Variants in CADM2 observed in about 807,000 individuals in gnomAD.
The protein encoded by CADM2 is cell adhesion molecule 2.
CADM2 carries 12 observed loss-of-function variants against 49.8 expected under a neutral mutation model. The observed-to-expected ratio is 0.24, with a 90% confidence interval of 0.15 to 0.39. CADM2 has a LOEUF of 0.39. Ranked by LOEUF, CADM2 falls within the 10% of genes least tolerant of loss-of-function variation. The probability of loss-of-function intolerance (pLI) is 1.00; values close to 1 mark genes in which losing one functional copy is unlikely to be tolerated. For missense variants in CADM2, 378 were observed against 492.3 expected (o/e 0.77, Z 2.20); for synonymous variants, 214 against 175.4 (o/e 1.22, Z -1.74).
intron 1 of CADM2, among the ~76,000 whole-genome samples, chr3:85,693,715 G>T (rs1220788628): frequency 3.3e-5 from 4 of 121,334 alleles, no homozygotes; most frequent in Non-Finnish European, 6.5e-5. Flanking sequence ...GTAAAACCAC[G>T]TATCTACCAA....
At chr3:85,195,609 C>A (rs2041325805) in intron 1 of CADM2, among the ~76,000 whole-genome samples, 1 of 151,622 alleles carries the variant, frequency 6.6e-6, no homozygotes, top group African/African-American at 2.4e-5. Flanking sequence ...TCAGTAGAGC[C>A]ACAATATCTA....
chr3:85,584,155 T>C (rs1035401676), intron 1 of CADM2, among the ~76,000 whole-genome samples: 11 of 152,072 alleles, frequency 7.2e-5, no homozygotes, highest in African/African-American at 2.7e-4. Flanking sequence ...TACATATACA[T>C]ATAAACATAT....
chr3:85,317,249 A>C (rs1489952111), intron 1 of CADM2, among the ~76,000 whole-genome samples: 2 of 152,202 alleles, frequency 1.3e-5, no homozygotes, highest in Non-Finnish European at 2.9e-5. Flanking sequence ...TGCACTAGGC[A>C]CAAGAAGCAC....
intron 1 of CADM2, among the ~76,000 whole-genome samples, chr3:85,132,492 G>A (rs1320909973): frequency 6.6e-6 from 1 of 152,136 alleles, no homozygotes; most frequent in African/African-American, 2.4e-5. Flanking sequence ...TCACCTTCCA[G>A]AGGGTGCTTC....
intron 8 of CADM2, among the ~76,000 whole-genome samples, chr3:86,017,690 T>C (rs556477386): frequency 6.7e-6 from 1 of 149,046 alleles, no homozygotes; most frequent in Non-Finnish European, 1.5e-5. Flanking sequence ...ACTGTGCCAC[T>C]GCACTCCAGC....
intron 1 of CADM2, among the ~76,000 whole-genome samples, chr3:85,199,525 A>G (rs1255587241): frequency 6.6e-6 from 1 of 151,822 alleles, no homozygotes; most frequent in Admixed American, 6.6e-5. Context: ...AAAAGTAAAT[A>G]TAACTTTTCA....
intron 1 of CADM2, among the ~76,000 whole-genome samples, chr3:85,520,220 C>T (rs1259603220): frequency 3.3e-5 from 5 of 151,592 alleles, no homozygotes; most frequent in African/African-American, 1.2e-4. Context: ...ATGTAATTCA[C>T]AAGGATTTTC....
At chr3:85,010,053 T>C (rs1250100246) in intron 1 of CADM2, among the ~76,000 whole-genome samples, 1 of 151,918 alleles carries the variant, frequency 6.6e-6, no homozygotes, top group African/African-American at 2.4e-5. Flanking sequence ...TTTTGCAAAA[T>C]CCACTAATCA....
intron 1 of CADM2, among the ~76,000 whole-genome samples, chr3:85,505,518 T>A (rs773148308): frequency 3.3e-5 from 5 of 152,190 alleles, no homozygotes; most frequent in Non-Finnish European, 5.9e-5. Context: ...TACAGAAGAA[T>A]GTTTCTGATT....
At chr3:85,408,857 A>G (rs1475978614) in intron 1 of CADM2, among the ~76,000 whole-genome samples, 1 of 152,224 alleles carries the variant, frequency 6.6e-6, no homozygotes. Context: ...CTTTCCATAA[A>G]GTTTACAAAT....
intron 1 of CADM2, among the ~76,000 whole-genome samples, chr3:85,275,960 A>G (rs2106865928): frequency 6.6e-6 from 1 of 151,308 alleles, no homozygotes; most frequent in South Asian, 2.1e-4. Flanking sequence ...ATTTCTGAAG[A>G]ATTTAAATTT....
At chr3:85,296,250 G>A (rs914763091) in intron 1 of CADM2, among the ~76,000 whole-genome samples, 3 of 151,994 alleles carry the variant, frequency 2.0e-5, no homozygotes, top group Non-Finnish European at 4.4e-5. Context: ...GAGGTATAAA[G>A]TACAGCTAAG....
intron 1 of CADM2, among the ~76,000 whole-genome samples, chr3:85,080,051 A>G (rs2037104559): frequency 6.6e-6 from 1 of 152,038 alleles, no homozygotes; most frequent in Non-Finnish European, 1.5e-5. Flanking sequence ...AACTTCTTAA[A>G]TATCTCAAAC....
chr3:85,795,030 A>G (rs567041061), intron 2 of CADM2, among the ~76,000 whole-genome samples: 1 of 152,220 alleles, frequency 6.6e-6, no homozygotes, highest in East Asian at 1.9e-4. Context: ...CTATGCAAAC[A>G]TTACAAAAAT....
At chr3:85,886,073 T>C (rs1713612879) in intron 4 of CADM2, 117 bp from the exon 5 acceptor site, 1 of 1,457,426 alleles carries the variant, frequency 6.9e-7, no homozygotes, top group East Asian at 2.4e-5. Context: ...TTGTTCATCT[T>C]GATCGAACTT....
intron 1 of CADM2, among the ~76,000 whole-genome samples, chr3:85,256,398 G>A (rs1048484985): frequency 1.2e-4 from 19 of 152,040 alleles, no homozygotes; most frequent in Non-Finnish European, 2.4e-4. Flanking sequence ...GCTATATAAA[G>A]CATTTATGAG....
chr3:85,223,327 T>C (rs1321583077), intron 1 of CADM2, among the ~76,000 whole-genome samples: 1 of 152,176 alleles, frequency 6.6e-6, no homozygotes, highest in Non-Finnish European at 1.5e-5. Context: ...TGTTCTAAAA[T>C]GAAATGTTGT....
At chr3:85,790,782 C>A (rs2071276922) in intron 2 of CADM2, among the ~76,000 whole-genome samples, 1 of 152,138 alleles carries the variant, frequency 6.6e-6, no homozygotes, top group Non-Finnish European at 1.5e-5. Flanking sequence ...GACCCAGCTG[C>A]CAGCCAGCTT....
intron 1 of CADM2, among the ~76,000 whole-genome samples, chr3:84,961,062 T>C (rs1421290908): frequency 6.6e-6 from 1 of 152,128 alleles, no homozygotes; most frequent in African/African-American, 2.4e-5. Context: ...ATTTGGGTAT[T>C]TGCAGGAAAG....
Sources: allele counts gnomAD v4.1 joint callset (sites outside exome capture counted in the v4.1 genomes callset), GRCh38; gene constraint gnomAD v4.1.1; transcripts MANE v1.5; gene names NCBI Gene and HGNC (gene_info 2026-07-23, HGNC 2026-07-21).